FAM53A: variants seen among roughly 807,000 people sequenced by gnomAD.
FAM53A encodes the protein protein FAM53A.
FAM53A carries 28 observed loss-of-function variants against 26.6 expected under a neutral mutation model. That is an observed-to-expected ratio of 1.05 (90% CI 0.78 to 1.45). FAM53A has a LOEUF of 1.45. FAM53A is among the 40% of genes most tolerant of loss of function. FAM53A has a pLI of 0.00. For synonymous variants in FAM53A, 290 were observed against 253.1 expected, an observed-to-expected ratio of 1.15 and a Z score of -1.38; for missense variants, 650 against 575.8, an observed-to-expected ratio of 1.13 and a Z score of -1.32.
At chr4:1,590,955 C>CGCAT in the FAM53A span, among the ~76,000 whole-genome samples, 1 of 46,280 alleles carries the variant, frequency 2.2e-5, no homozygotes, top group Non-Finnish European at 4.7e-5. Flanking sequence ...TTATTTAATG[C>CGCAT]ATATATATAT....
At chr4:1,654,916 C>T in intron 4 of FAM53A, 62 bp downstream of exon 4, 2 of 1,462,896 alleles carry the variant, frequency 1.4e-6, no homozygotes, top group Non-Finnish European at 1.8e-6. Flanking sequence ...GCCAGCCTCA[C>T]CCCAGCACCG....
At chr4:1,578,746 G>T in the FAM53A span, among the ~76,000 whole-genome samples, 1 of 143,172 alleles carries the variant, frequency 7.0e-6, no homozygotes, top group Non-Finnish European at 1.5e-5. Context: ...GGAAGGGAGG[G>T]GAGGGCAGGG....
chr4:1,654,840 C>A, intron 4 of FAM53A, 138 bp downstream of exon 4: 1 of 1,244,426 alleles, frequency 8.0e-7, no homozygotes, highest in Non-Finnish European at 1.1e-6. Context: ...AGATGGCTCT[C>A]CTCACTCCTT....
At chr4:1,615,613 G>C (rs1577077613), downstream of FAM53A, among the ~76,000 whole-genome samples, 1 of 144,476 alleles carries the variant, frequency 6.9e-6, no homozygotes, top group African/African-American at 2.6e-5. Context: ...ATGTGGCCAC[G>C]CCCATCCCAC....
chr4:1,653,965 T>C (rs1267314695), intron 4 of FAM53A, among the ~76,000 whole-genome samples: 1 of 152,146 alleles, frequency 6.6e-6, no homozygotes, highest in Admixed American at 6.5e-5. Context: ...AGCCACACTA[T>C]GGACAGCTCC....
chr4:1,586,617 A>T, the FAM53A span, among the ~76,000 whole-genome samples: 166 of 151,612 alleles, frequency 1.1e-3, no homozygotes, highest in South Asian at 0.011. Context: ...CTACTAAAAA[A>T]ATATATATAT....
intron 1 of FAM53A, among the ~76,000 whole-genome samples, chr4:1,680,419 G>A (rs1221790161): frequency 1.3e-5 from 2 of 149,510 alleles, no homozygotes. Context: ...CAACACCCAA[G>A]TGCTGAGGAG....
chr4:1,629,068 C>A (rs114553299), intron 1 of FAM53A, among the ~76,000 whole-genome samples: 1 of 151,948 alleles, frequency 6.6e-6, no homozygotes, highest in Admixed American at 6.5e-5. Context: ...CCAGGATGTG[C>A]GCCATGCCTG....
the FAM53A span, among the ~76,000 whole-genome samples, chr4:1,607,809 G>A: frequency 1.3e-5 from 2 of 152,146 alleles, no homozygotes; most frequent in African/African-American, 2.4e-5. Flanking sequence ...GCGTGGAGGC[G>A]TGTGCCTGTA....
the FAM53A span, among the ~76,000 whole-genome samples, chr4:1,579,751 C>T: frequency 6.6e-6 from 1 of 152,152 alleles, no homozygotes; most frequent in African/African-American, 2.4e-5. Context: ...CCTCCCGCCA[C>T]GGGCTGGCCA....
the FAM53A span, among the ~76,000 whole-genome samples, chr4:1,605,982 G>A: frequency 2.0e-5 from 3 of 152,010 alleles, no homozygotes; most frequent in African/African-American, 7.2e-5. The surrounding 1 kb of genome is among the most constrained non-coding windows in gnomAD (Gnocchi z 5.7). Context: ...GACGTTAGCT[G>A]GCCTAGCAGG....
intron 2 of FAM53A, among the ~76,000 whole-genome samples, chr4:1,665,226 G>A (rs983408316): frequency 1.3e-5 from 2 of 152,088 alleles, no homozygotes; most frequent in African/African-American, 4.8e-5. Context: ...ACTGAGGCAA[G>A]AGAATTGCTT....
chr4:1,583,718 C>T, the FAM53A span, among the ~76,000 whole-genome samples: 5 of 152,236 alleles, frequency 3.3e-5, no homozygotes, highest in Non-Finnish European at 5.9e-5. Flanking sequence ...AGGATTGAAG[C>T]GTTAGTGTCG....
the FAM53A span, among the ~76,000 whole-genome samples, chr4:1,604,758 C>T: frequency 2.9e-3 from 448 of 152,270 alleles, 17 homozygotes; most frequent in South Asian, 0.085. Context: ...CCAGAGCATC[C>T]GCTGCAGCCC....
the FAM53A span, among the ~76,000 whole-genome samples, chr4:1,612,810 T>TG: frequency 6.6e-6 from 1 of 152,186 alleles, no homozygotes; most frequent in Non-Finnish European, 1.5e-5. Flanking sequence ...CAAATGTGGG[T>TG]GCTTGCATGC....
chr4:1,584,736 G>C, the FAM53A span, among the ~76,000 whole-genome samples: 1 of 152,258 alleles, frequency 6.6e-6, no homozygotes, highest in Non-Finnish European at 1.5e-5. Context: ...TCTTGAGACA[G>C]TCAGACTTTT....
chr4:1,667,565 C>G (rs557284098), intron 2 of FAM53A, among the ~76,000 whole-genome samples: 8 of 152,306 alleles, frequency 5.3e-5, no homozygotes, highest in Non-Finnish European at 1.2e-4. Flanking sequence ...AGCCCAACAC[C>G]CACACTCGCC....
At chr4:1,610,219 T>TCCCTACACCCCACTCAACGCGCTGC in the FAM53A span, among the ~76,000 whole-genome samples, 1 of 122,454 alleles carries the variant, frequency 8.2e-6, no homozygotes, top group Non-Finnish European at 1.8e-5. Context: ...CCCCAACCCC[T>TCCCTACACCCCACTCAACGCGCTGC]CCCTACACCC....
intron 1 of FAM53A, among the ~76,000 whole-genome samples, chr4:1,629,445 G>A (rs375656210): frequency 1.1e-4 from 16 of 152,194 alleles, no homozygotes; most frequent in East Asian, 9.6e-4. Context: ...CCTGGGCCTC[G>A]ACTGTGCCCT....
Sources: gnomAD v4.1 joint callset for allele counts (sites outside exome capture counted in the v4.1 genomes callset) on GRCh38, gnomAD v4.1.1 for gene constraint, Gnocchi (gnomAD v3.1) non-coding constraint, MANE v1.5 for transcripts, NCBI Gene and HGNC (gene_info 2026-07-23, HGNC 2026-07-21) for gene names.